The following RUNDC3B variants were observed in gnomAD, a reference collection of about 807,000 sequenced individuals.
The protein encoded by RUNDC3B is RUN domain containing 3B.
RUNDC3B carries 33 observed loss-of-function variants against 58.4 expected under a neutral mutation model. The observed-to-expected ratio is 0.56, with a 90% CI of 0.43 to 0.75. The LOEUF is 0.75. Ranked by LOEUF, RUNDC3B falls within the 30% of genes least tolerant of loss-of-function variation. RUNDC3B has a pLI of 0.00. For missense variants in RUNDC3B, 501 were observed against 535.7 expected (o/e 0.94, Z 0.64); for synonymous variants, 193 against 195.2 (o/e 0.99, Z 0.10).
At chr7:87,738,217 A>G (rs1465792080) in intron 4 of RUNDC3B, among the ~76,000 whole-genome samples, 2 of 152,020 alleles carry the variant, frequency 1.3e-5, no homozygotes, top group Non-Finnish European at 2.9e-5. Flanking sequence ...TAGTTCTTCC[A>G]GGGGTTAATA....
intron 8 of RUNDC3B, among the ~76,000 whole-genome samples, chr7:87,802,020 T>G (rs949034512): frequency 1.3e-5 from 2 of 152,250 alleles, no homozygotes; most frequent in African/African-American, 4.8e-5. Context: ...TGAAAAGTCC[T>G]TGGTGTTTAT....
At chr7:87,760,228 C>T (rs1584129593) in intron 6 of RUNDC3B, among the ~76,000 whole-genome samples, 1 of 151,918 alleles carries the variant, frequency 6.6e-6, no homozygotes, top group East Asian at 1.9e-4. Context: ...TTCAGTACTT[C>T]AGATATAACT....
At position 87,701,999 on chromosome 7, in the gene RUNDC3B, C is replaced by T. The variant is rs374116385; in HGVS notation, c.372+1445C>T. 5.3e-5 allele frequency among the ~76,000 whole-genome samples: 8 copies of T among 151,600 alleles called. No individual in the cohort carries two copies. In the East Asian group the frequency reaches 9.8e-4, roughly 19 times the overall value. On this transcript the variant is annotated intron_variant, in intron 3 of 10. Transcript: ENST00000394654. ...TCTACTGAAAATATAAAAAATTAGC[C>T]AGGCGTGGTGGTGGGCACCTGTAAT...
intron 10 of RUNDC3B, among the ~76,000 whole-genome samples, chr7:87,821,860 C>T (rs1383007247): frequency 6.6e-6 from 1 of 152,134 alleles, no homozygotes; most frequent in Non-Finnish European, 1.5e-5. Context: ...GAAACTGGAT[C>T]CCTTCCTTAC....
At chr7:87,735,578 A>G (rs1335438796) in intron 4 of RUNDC3B, among the ~76,000 whole-genome samples, 1 of 152,212 alleles carries the variant, frequency 6.6e-6, no homozygotes, top group East Asian at 1.9e-4. Flanking sequence ...TCTGGAGAAT[A>G]ATATGTAGCG....
chr7:87,829,774 GT>G (rs1838036716), intron 10 of RUNDC3B, 110 bp from the exon 11 acceptor site: 1 of 719,546 alleles, frequency 1.4e-6, no homozygotes, highest in African/African-American at 1.8e-5. Flanking sequence ...TCTTTGGGCA[GT>G]ATGGTCATTT....
At chr7:87,653,400 C>T (rs1823772991) in intron 2 of RUNDC3B, among the ~76,000 whole-genome samples, 1 of 152,082 alleles carries the variant, frequency 6.6e-6, no homozygotes, top group Admixed American at 6.6e-5. Flanking sequence ...TTCAAAACTC[C>T]ATACATAGTA....
chr7:87,649,150 T>C (rs551233573), intron 1 of RUNDC3B, among the ~76,000 whole-genome samples: 1 of 152,278 alleles, frequency 6.6e-6, no homozygotes, highest in African/African-American at 2.4e-5. Flanking sequence ...ATAAAGAGCA[T>C]GAGGGAGTTG....
At chr7:87,750,511 C>T (rs1832909180) in intron 6 of RUNDC3B, among the ~76,000 whole-genome samples, 1 of 152,078 alleles carries the variant, frequency 6.6e-6, no homozygotes, top group Admixed American at 6.5e-5. Flanking sequence ...TAAAAGTGTT[C>T]CTATTTCTCC....
intron 6 of RUNDC3B, among the ~76,000 whole-genome samples, chr7:87,768,450 AG>A (rs781330550): frequency 2.6e-5 from 4 of 152,222 alleles, no homozygotes; most frequent in Non-Finnish European, 4.4e-5. Context: ...ACAAGGGCTG[AG>A]ATTCCCTGAA....
At chr7:87,749,489 G>A (rs1439585091) in intron 6 of RUNDC3B, among the ~76,000 whole-genome samples, 1 of 152,060 alleles carries the variant, frequency 6.6e-6, no homozygotes, top group Non-Finnish European at 1.5e-5. Context: ...CTAGTCATAA[G>A]CCAGTTAGCA....
chr7:87,681,073 A>G (rs1322481728), intron 2 of RUNDC3B, among the ~76,000 whole-genome samples: 1 of 150,650 alleles, frequency 6.6e-6, no homozygotes, highest in Non-Finnish European at 1.5e-5. Flanking sequence ...TTCAAAGGAT[A>G]AAAAGTTAAT....
At chr7:87,635,619 A>AT (rs1350810978) in intron 1 of RUNDC3B, among the ~76,000 whole-genome samples, 4 of 152,148 alleles carry the variant, frequency 2.6e-5, no homozygotes, top group African/African-American at 9.7e-5. Flanking sequence ...TTTAATATAA[A>AT]TTTTTATTGA....
chr7:87,799,048 A>G (rs1222772778), intron 8 of RUNDC3B, among the ~76,000 whole-genome samples: 1 of 152,238 alleles, frequency 6.6e-6, no homozygotes, highest in African/African-American at 2.4e-5. Flanking sequence ...CAAGCCATAT[A>G]CATGTTTTCC....
intron 2 of RUNDC3B, among the ~76,000 whole-genome samples, chr7:87,686,221 C>G (rs1827443828): frequency 2.6e-5 from 4 of 151,930 alleles, no homozygotes; most frequent in African/African-American, 9.7e-5. Flanking sequence ...AAATTTAGGC[C>G]CTGTGCTGGG....
intron 4 of RUNDC3B, among the ~76,000 whole-genome samples, chr7:87,718,251 G>A (rs1359364704): frequency 6.6e-6 from 1 of 152,114 alleles, no homozygotes; most frequent in Non-Finnish European, 1.5e-5. Context: ...AATTCCCTCA[G>A]CAACAACTTT....
intron 2 of RUNDC3B, among the ~76,000 whole-genome samples, chr7:87,654,371 C>A (rs1327243973): frequency 6.6e-6 from 1 of 151,972 alleles, no homozygotes; most frequent in Non-Finnish European, 1.5e-5. Context: ...ATGTTACCAG[C>A]ATAAAAACAG....
At position 87,628,785 on chromosome 7, in the gene RUNDC3B, G is replaced by T; in HGVS notation, c.-39G>T. ...TTAAGCAGGTGTGGGGGGCGTGCGGGGTGGCACGAGACAAAAGGGGCACGG... is the reference window on the plus strand; with the variant it reads ...TTAAGCAGGTGTGGGGGGCGTGCGGTGTGGCACGAGACAAAAGGGGCACGG... On this transcript the variant is annotated 5_prime_UTR_variant, in exon 1 of 11. Coordinates refer to ENST00000394654, the MANE Select transcript of RUNDC3B (RefSeq NM_001134405.2). 2 of 1,169,370 alleles carry T rather than the reference G, an allele frequency of 1.7e-6. No homozygotes were observed. Among genetic ancestry groups the T allele is most frequent in the East Asian group, 3.2e-5 (1 of 31,368 alleles). The allele number at this position is 1,169,370 out of a possible 1,614,324, so 72.4% of individuals were successfully genotyped here. A position where few individuals can be genotyped will look rare whatever the true frequency, so the allele number is the denominator to read the frequency against.
chr7:87,756,336 A>G (rs1406493513), intron 6 of RUNDC3B, among the ~76,000 whole-genome samples: 1 of 151,992 alleles, frequency 6.6e-6, no homozygotes, highest in Non-Finnish European at 1.5e-5. Context: ...TTTTATTTAT[A>G]TAAATTTAAT....
Sources: gnomAD v4.1 joint callset for allele counts (sites outside exome capture counted in the v4.1 genomes callset) on GRCh38, gnomAD v4.1.1 for gene constraint, MANE v1.5 for transcripts, NCBI Gene and HGNC (gene_info 2026-07-23, HGNC 2026-07-21) for gene names.